ZC3H11B: variants seen among roughly 807,000 people sequenced by gnomAD.
The protein encoded by ZC3H11B is zinc finger CCCH-type containing 11B.
In ZC3H11B, 3 loss-of-function variants were observed where a neutral mutation model predicts 34.0. That is an observed-to-expected ratio of 0.09 (90% confidence interval 0.04 to 0.23). The LOEUF (loss-of-function observed/expected upper bound fraction) is 0.23, where lower values mean the gene tolerates loss of function less well. Ranked by LOEUF, ZC3H11B falls within the 10% of genes least tolerant of loss-of-function variation. The pLI, the probability that ZC3H11B is intolerant of heterozygous loss-of-function variation, is 1.00. For missense variants in ZC3H11B, 99 were observed against 660.1 expected (o/e 0.15, Z 9.31); for synonymous variants, 33 against 250.1 (o/e 0.13, Z 8.19).
chr1:219,612,355 A>G lies in ZC3H11B; in HGVS notation c.-293T>C. 8.0e-6 allele frequency: 3 copies of G among 373,132 alleles called. No homozygotes were observed. The East Asian group carries it at 1.7e-4, about 21-fold the overall frequency. The allele number at this position is 373,132 out of a possible 1,614,324, so 23.1% of individuals were successfully genotyped here. A position where few individuals can be genotyped will look rare whatever the true frequency, so the allele number is the denominator to read the frequency against. On this transcript the variant is annotated 5_prime_UTR_variant, in exon 2 of 2. The change abolishes the stop of an existing upstream ORF in the 5' untranslated region. Coordinates refer to ENST00000651890, the Ensembl canonical transcript of ZC3H11B. ...CCTCACATTGCCAAGAAAACCTCTC[A>G]GCCACAATTCAAACACAGCATGTGT... is the stretch of plus-strand genomic sequence containing the variant.
intron 1 of ZC3H11B, 132 bp from the exon 2 acceptor site, chr1:219,612,695 A>C: frequency 4.3e-6 from 1 of 232,062 alleles, no homozygotes; most frequent in Non-Finnish European, 7.6e-6. Flanking sequence ...AAGCATCACT[A>C]TCTCTAGTTC....
chr1:219,608,184 T>A (rs1177812044), exon 2 of ZC3H11B, among the ~76,000 whole-genome samples: 2 of 152,122 alleles, frequency 1.3e-5, no homozygotes, highest in Non-Finnish European at 2.9e-5. Flanking sequence ...TTCAGTCAGC[T>A]GAAGATGGAT....
exon 2 of ZC3H11B, chr1:219,608,358 G>T (rs12072412): frequency 6.6e-6 from 1 of 152,576 alleles, no homozygotes; most frequent in African/African-American, 2.4e-5. Flanking sequence ...TACAACAGCA[G>T]TTCCTTAGGA....
At chr1:219,608,663 A>G (rs964137354) in exon 2 of ZC3H11B, 46 of 152,078 alleles carry the variant, frequency 3.0e-4, no homozygotes, top group African/African-American at 9.9e-4. Context: ...AATTCAGTGT[A>G]CTGCTACAGC....
chr1:219,608,235 G>T (rs572266413), exon 2 of ZC3H11B: 2 of 152,540 alleles, frequency 1.3e-5, no homozygotes, highest in Non-Finnish European at 2.9e-5. Flanking sequence ...AGTCATTTTT[G>T]CTTGTGCAGA....
exon 2 of ZC3H11B, chr1:219,608,842 A>C (rs899207256): frequency 6.5e-6 from 1 of 152,706 alleles, no homozygotes; most frequent in African/African-American, 2.4e-5. Flanking sequence ...CAAGTACTGA[A>C]GAAGAAAAGG....
chr1:219,608,581 A>G lies in ZC3H11B; in HGVS notation c.*1064T>C, dbSNP rs1277716510. On this transcript the variant is annotated 3_prime_UTR_variant, in exon 2 of 2. Transcript: ENST00000651890. ...AACCAACATCAAGAAGAGAAAACCC[A>G]ATTCAGAAATGAAGAAAACTGGCAG... 3.3e-5 allele frequency: 5 copies of G among 152,292 alleles called. No individual in the cohort carries two copies. The East Asian group carries it at 9.7e-4, about 29-fold the overall frequency. The allele number at this position is 152,292 out of a possible 1,614,324, so 9.4% of individuals were successfully genotyped here. A position where few individuals can be genotyped will look rare whatever the true frequency, so the allele number is the denominator to read the frequency against.
intron 1 of ZC3H11B, 48 bp from the exon 2 acceptor site, chr1:219,612,611 C>G: frequency 5.8e-6 from 1 of 173,554 alleles, no homozygotes; most frequent in Non-Finnish European, 1.0e-5. Flanking sequence ...TTCTGGTCTT[C>G]AAGATTTCTT....
At chr1:219,612,637 T>A (rs1476601845) in intron 1 of ZC3H11B, 74 bp from the exon 2 acceptor site, 1 of 181,946 alleles carries the variant, frequency 5.5e-6, no homozygotes, top group Non-Finnish European at 9.8e-6. Context: ...TTAATACTAG[T>A]CAATTTTCCA....
rs1036707752 is a variant in ZC3H11B, at chr1:219,611,444, CT to C, written c.618del (p.Gly207ValfsTer8). 6.3e-5 allele frequency: 45 copies of C among 719,724 alleles called. No individual in the cohort carries two copies. The highest frequency in any genetic ancestry group is 3.5e-4 in the Middle Eastern group (1 of 2,866). 44.6% of individuals were successfully genotyped at this position (719,724 alleles called of 1,614,324 possible). On this transcript the variant is annotated frameshift_variant, in exon 2 of 2. Transcript: ENST00000651890. LOFTEE classifies it high-confidence loss of function. ...TTTATTCCAAAATGCAAACATTCAC[CT>C]TGCTTTATATTGACTGCAGGTTTCC...
rs1667964578 is a variant in ZC3H11B, at chr1:219,609,382, G to A, written c.*263C>T. On this transcript the variant is annotated 3_prime_UTR_variant, in exon 2 of 2. Transcript: ENST00000651890. ...CAGTCTCTTTTTTGTGGAGAGAAGGGTATGACAGAACTTTTTTCTCAAAAG... is the reference window on the plus strand; with the variant it reads ...CAGTCTCTTTTTTGTGGAGAGAAGGATATGACAGAACTTTTTTCTCAAAAG... 28 of 504,610 alleles carry A rather than the reference G, an allele frequency of 5.5e-5. No individual in the cohort carries two copies. In the South Asian group the frequency reaches 5.7e-4, roughly 10 times the overall value. 31.3% of individuals were successfully genotyped at this position (504,610 alleles called of 1,614,324 possible). A position where few individuals can be genotyped will look rare whatever the true frequency, so the allele number is the denominator to read the frequency against.
At chr1:219,611,135 T>G in exon 2 of ZC3H11B, 4 of 1,613,748 alleles carry the variant, frequency 2.5e-6, no homozygotes, top group Non-Finnish European at 3.4e-6. Context: ...GCTTCAACTT[T>G]CTTCCCTAGC....
exon 2 of ZC3H11B, chr1:219,611,747 G>A (rs1351829829): frequency 3.3e-5 from 46 of 1,406,122 alleles, no homozygotes; most frequent in Middle Eastern, 1.8e-4. Flanking sequence ...GGTGACTCAG[G>A]CACAGTGGGC....
chr1:219,608,732 C>T (rs1162794467), exon 2 of ZC3H11B: 2 of 152,384 alleles, frequency 1.3e-5, no homozygotes, highest in African/African-American at 2.4e-5. Flanking sequence ...TGGTTAAAGG[C>T]CACCACATAA....
exon 2 of ZC3H11B, chr1:219,612,394 C>G (rs1190895768): frequency 3.5e-6 from 1 of 285,808 alleles, no homozygotes; most frequent in Admixed American, 5.2e-5. Context: ...TAAAACATCT[C>G]CCAACTACTG....
chr1:219,612,747 G>A (rs1373979764), intron 1 of ZC3H11B, 184 bp from the exon 2 acceptor site: 4 of 298,054 alleles, frequency 1.3e-5, no homozygotes, highest in Non-Finnish European at 2.3e-5. Context: ...AGATGGCCTG[G>A]AAGATGTCAA....
Position 219,612,234 on chromosome 1 carries a change from G to A in ZC3H11B, c.-172C>T, listed in dbSNP as rs1668012252. The stretch of plus-strand genomic sequence containing the variant: ...TTAGCTGGTTGCTCTCAACAGGAAC[G>A]TCTGTGTCTTCACTGAGTTCCAATC... On this transcript the variant is annotated 5_prime_UTR_variant, in exon 2 of 2. It adds an upstream start codon to the 5' untranslated region. Coordinates refer to ENST00000651890, the Ensembl canonical transcript of ZC3H11B. 1.3e-5 allele frequency: 8 copies of A among 602,260 alleles called. 1 individual carries two copies. The South Asian group carries it at 1.5e-4, about 11-fold the overall frequency. 37.3% of individuals were successfully genotyped at this position (602,260 alleles called of 1,614,324 possible).
exon 2 of ZC3H11B, chr1:219,609,250 A>G (rs920605740): frequency 1.0e-4 from 23 of 225,514 alleles, no homozygotes; most frequent in African/African-American, 5.0e-4. Flanking sequence ...TATTAAGTAC[A>G]TTAAGACAAT....
chr1:219,609,136 A>G (rs1431227780), exon 2 of ZC3H11B: 1 of 182,712 alleles, frequency 5.5e-6, no homozygotes, highest in Non-Finnish European at 1.2e-5. Context: ...CTTTAAAAAG[A>G]CATACAATTT....
Sources: allele counts gnomAD v4.1 joint callset (sites outside exome capture counted in the v4.1 genomes callset), GRCh38; gene constraint gnomAD v4.1.1; transcripts MANE v1.5; gene names NCBI Gene and HGNC (gene_info 2026-07-23, HGNC 2026-07-21).